The following NFATC1 variants were observed in gnomAD, a reference collection of about 807,000 sequenced individuals.
The protein encoded by NFATC1 is nuclear factor of activated T cells 1.
In NFATC1, 22 loss-of-function variants were observed where a neutral mutation model predicts 76.0. The ratio of observed to expected loss-of-function variants is 0.29; its 90% CI spans 0.21 to 0.41. The LOEUF is 0.41. Ranked by LOEUF, NFATC1 falls within the 10% of genes least tolerant of loss-of-function variation. NFATC1 has a pLI of 1.00. For synonymous variants in NFATC1, 704 were observed against 613.1 expected (o/e 1.15, Z -2.19); for missense variants, 1,357 against 1,337.7 (o/e 1.01, Z -0.23).
In NFATC1 at chr18:79,486,496, G is replaced by A. The variant is rs757629843; in HGVS notation, c.2341G>A (p.Ala781Thr). The change falls in exon 9 of 10, where the codon GCC becomes ACC. Residue 781 changes from alanine (A) to threonine (T), a missense_variant. This residue lies in a region of NFATC1 where 424 missense variants were observed against 395.4 expected (regional missense o/e 1.07). Transcript: ENST00000427363. ...TCCCGCTGCCTACACCAAGGGCGTT[G>A]CCAGCCCGGGCCACTGTCACCTCGG... ...LSPAAYTKGV[A>T]SPGHCHLGLP... The A allele has an allele frequency of 6.2e-7, 1 of 1,604,882 alleles. No homozygotes were observed. The highest frequency in any genetic ancestry group is 8.5e-7 in the Non-Finnish European group (1 of 1,179,446).
chr18:79,478,862 C>T (rs1034078716), intron 8 of NFATC1, among the ~76,000 whole-genome samples: 1 of 152,218 alleles, frequency 6.6e-6, no homozygotes, highest in Non-Finnish European at 1.5e-5. Context: ...AGGCATGGGA[C>T]GGGCCCTCCG....
intron 9 of NFATC1, among the ~76,000 whole-genome samples, chr18:79,510,057 T>C (rs2090206832): frequency 6.6e-6 from 1 of 152,232 alleles, no homozygotes; most frequent in East Asian, 1.9e-4. Flanking sequence ...GAAGACATAT[T>C]TTAAGGCTTC....
intron 2 of NFATC1, among the ~76,000 whole-genome samples, chr18:79,413,018 C>T (rs1337603743): frequency 6.6e-6 from 1 of 152,218 alleles, no homozygotes; most frequent in Non-Finnish European, 1.5e-5. Context: ...AATTTAAGAA[C>T]TGTTTTTGCC....
Position 79,397,362 on chromosome 18 carries a change from G to A in NFATC1, c.127+1011G>A, listed in dbSNP as rs916547359. ...ACATATGTACTTCATAAGGGCAGAC[G>A]TCCTTCCGAGCGCTGCCGCTTCCTG... On this transcript the variant is annotated intron_variant, in intron 1 of 9. Transcript: ENST00000427363. 2.6e-5 allele frequency among the ~76,000 whole-genome samples: 4 copies of A among 152,224 alleles called. No homozygotes were observed. In the South Asian group the frequency reaches 6.2e-4, roughly 24 times the overall value.
chr18:79,517,123 T>C (rs1808460636), intron 9 of NFATC1, among the ~76,000 whole-genome samples: 3 of 152,232 alleles, frequency 2.0e-5, no homozygotes, highest in Admixed American at 2.0e-4. Flanking sequence ...GTACAGCAAA[T>C]GTCATTGGGA....
rs572534258 is a variant in NFATC1 at position 79,478,788 on chromosome 18, C to G, written c.2093-7460C>G. Among the ~76,000 whole-genome samples the G allele has an allele frequency of 2.5e-3, 383 of 152,308 alleles. 1 individual carries two copies. Among genetic ancestry groups the G allele is most frequent in the African/African-American group, 8.7e-3 (362 of 41,574 alleles). ...CCCTCCAGGACTCAGCTCCCAACGT[C>G]ACTGCTACCGAGGCAGAGACTCTGC... On this transcript the variant is annotated intron_variant, in intron 8 of 9. Coordinates refer to ENST00000427363, the MANE Select transcript of NFATC1 (RefSeq NM_001278669.2).
At chr18:79,443,946 G>A (rs923426950) in intron 3 of NFATC1, among the ~76,000 whole-genome samples, 1 of 152,210 alleles carries the variant, frequency 6.6e-6, no homozygotes, top group Non-Finnish European at 1.5e-5. Flanking sequence ...CCAGGTTTGT[G>A]GGATTTGGGG....
chr18:79,427,974 G>T (rs1470763898), intron 2 of NFATC1, among the ~76,000 whole-genome samples: 1 of 147,580 alleles, frequency 6.8e-6, no homozygotes, highest in African/African-American at 2.5e-5. Context: ...GTGGCGGGGG[G>T]GTGCTGGACG....
chr18:79,479,753 T>C (rs1033075095), intron 8 of NFATC1, among the ~76,000 whole-genome samples: 1 of 152,190 alleles, frequency 6.6e-6, no homozygotes, highest in Non-Finnish European at 1.5e-5. Flanking sequence ...GCCGGGTGCC[T>C]CGCGCATCCC....
intron 7 of NFATC1, among the ~76,000 whole-genome samples, chr18:79,464,245 A>G (rs1413421875): frequency 6.6e-6 from 1 of 151,946 alleles, no homozygotes; most frequent in African/African-American, 2.4e-5. Context: ...GCCGGCCACT[A>G]TGCCTGGCTA....
At position 79,460,090 on chromosome 18, in the gene NFATC1, G is replaced by A. The variant is rs539633945; in HGVS notation, c.1904-1221G>A. On this transcript the variant is annotated intron_variant, in intron 6 of 9. Coordinates refer to ENST00000427363, the MANE Select transcript of NFATC1 (RefSeq NM_001278669.2). ...TGGGTTCATCTGGTGGGTAATTTGC[G>A]TGGGGACCTCGGGCCTCCCGGGCTG... Among the ~76,000 whole-genome samples, 5 of 152,304 alleles carry A rather than the reference G, an allele frequency of 3.3e-5. No individual in the cohort carries two copies. In the East Asian group the frequency reaches 7.7e-4, roughly 24 times the overall value.
chr18:79,399,954 G>A (rs2085129726), intron 1 of NFATC1, among the ~76,000 whole-genome samples: 1 of 151,126 alleles, frequency 6.6e-6, no homozygotes, highest in South Asian at 2.1e-4. Flanking sequence ...AGGAGGCCCG[G>A]ATTGAAAACT....
intron 3 of NFATC1, among the ~76,000 whole-genome samples, chr18:79,441,913 GCAGAA>G (rs2086991487): frequency 6.6e-6 from 1 of 152,110 alleles, no homozygotes; most frequent in Non-Finnish European, 1.5e-5. Context: ...GTGTTTCCGG[GCAGAA>G]TCTTCTTCAG....
chr18:79,441,518 A>G (rs2086975106), intron 3 of NFATC1, among the ~76,000 whole-genome samples: 5 of 152,234 alleles, frequency 3.3e-5, no homozygotes, highest in Admixed American at 3.3e-4. Context: ...CCACCCTGCC[A>G]GCTCCTTGAT....
chr18:79,442,599 C>A (rs1483141694), intron 3 of NFATC1, among the ~76,000 whole-genome samples: 1 of 152,262 alleles, frequency 6.6e-6, no homozygotes, highest in Non-Finnish European at 1.5e-5. Context: ...AGCGCTGCTT[C>A]TCTGGAGTGG....
chr18:79,396,879 C>T (rs1418078022), intron 1 of NFATC1, among the ~76,000 whole-genome samples: 1 of 152,038 alleles, frequency 6.6e-6, no homozygotes, highest in African/African-American at 2.4e-5. Context: ...CCCGTCACGC[C>T]GGCTCCTGGA....
At chr18:79,474,654 CGTT>C (rs1182829204) in intron 8 of NFATC1, among the ~76,000 whole-genome samples, 69 of 145,464 alleles carry the variant, frequency 4.7e-4, no homozygotes, top group African/African-American at 9.6e-4. Context: ...TCACTGTCAA[CGTT>C]GTAAACCTGA....
chr18:79,491,150 T>A (rs1200772725), intron 9 of NFATC1, among the ~76,000 whole-genome samples: 2 of 152,044 alleles, frequency 1.3e-5, no homozygotes, highest in Non-Finnish European at 2.9e-5. Flanking sequence ...AGTATTAATA[T>A]ATATTTTGTC....
chr18:79,517,830 A>G (rs1040539958), intron 9 of NFATC1, among the ~76,000 whole-genome samples: 8 of 152,236 alleles, frequency 5.3e-5, no homozygotes, highest in Non-Finnish European at 1.0e-4. Flanking sequence ...TGTTTTGTGC[A>G]ATTAAGTTAG....
Sources: allele counts gnomAD v4.1 joint callset (sites outside exome capture counted in the v4.1 genomes callset), GRCh38; gene constraint gnomAD v4.1.1; regional missense constraint gnomAD v4.1.1; transcripts MANE v1.5; gene names NCBI Gene and HGNC (gene_info 2026-07-23, HGNC 2026-07-21).